Variants in TP53AIP1 observed in about 807,000 individuals in gnomAD.
The protein encoded by TP53AIP1 is p53-regulated apoptosis-inducing protein 1.
Under a neutral mutation model 9.5 loss-of-function variants are expected in TP53AIP1, and 14 were observed. The observed-to-expected ratio is 1.47, with a 90% CI of 0.97 to 2.30. The LOEUF (loss-of-function observed/expected upper bound fraction) is 2.30. Ranked by LOEUF, TP53AIP1 falls within the 30% of genes most tolerant of loss-of-function variation. The pLI is 0.00. For missense variants in TP53AIP1, 153 were observed against 146.7 expected (o/e 1.04, Z -0.22); for synonymous variants, 73 against 61.2 (o/e 1.19, Z -0.90).
chr11:128,936,138 T>A (rs1481736128), intron 3 of TP53AIP1: 1 of 1,014,662 alleles, frequency 9.9e-7, no homozygotes, highest in African/African-American at 1.7e-5. Flanking sequence ...TCCTAAGTGG[T>A]AGAGTCAGGA....
At position 128,939,499 on chromosome 11, in the gene TP53AIP1, G is replaced by A. The variant is rs1398657175; in HGVS notation, c.-76-1605C>T. 2.0e-5 allele frequency among the ~76,000 whole-genome samples: 3 copies of A among 152,216 alleles called. No homozygotes were observed. Among genetic ancestry groups the A allele is most frequent in the African/African-American group, 7.2e-5 (3 of 41,450 alleles). ...CTCCGTCTTCCAGCCACTGAAAACA[G>A]GATTCTCCAGAGTTCACACCTATGC... On this transcript the variant is annotated intron_variant, in intron 1 of 3. Transcript: ENST00000531399. This position sits in a 1 kb window ranked among gnomAD's most constrained non-coding sequence, Gnocchi z 4.1.
chr11:128,936,452 G>A (rs973257883), intron 3 of TP53AIP1, 86 bp downstream of exon 3: 47 of 1,445,342 alleles, frequency 3.3e-5, no homozygotes, highest in Admixed American at 1.4e-4. Flanking sequence ...ACCCTATGTC[G>A]TTACCTGGAT....
intron 3 of TP53AIP1, chr11:128,936,158 A>C: frequency 8.7e-6 from 9 of 1,038,604 alleles, no homozygotes; most frequent in Middle Eastern, 4.7e-4. Flanking sequence ...ATTTGAACCC[A>C]GACCCCGCAG....
chr11:128,936,231 C>T, intron 3 of TP53AIP1: 2 of 1,108,280 alleles, frequency 1.8e-6, no homozygotes, highest in Non-Finnish European at 2.2e-6. Context: ...CTGCTCATTC[C>T]AAATCTGTCC....
rs1415506855 is a variant in TP53AIP1, at chr11:128,937,940, C to A, written c.-76-46G>T. 1 of 1,071,294 alleles carries A rather than the reference C, an allele frequency of 9.3e-7. No individual in the cohort carries two copies. Among genetic ancestry groups the A allele is most frequent in the South Asian group, 1.7e-5 (1 of 59,438 alleles). The allele number at this position is 1,071,294 out of a possible 1,614,324, so 66.4% of individuals were successfully genotyped here. On this transcript the variant is annotated intron_variant, in intron 1 of 3. Transcript: ENST00000531399. The surrounding 1 kb of genome is among the most constrained non-coding windows in gnomAD (Gnocchi z 4.8). ...CTATGAACAGAAGCAGTGGTGGCAGCGCTGGGCCAGCAATGATGATTTCTA... is the reference window on the plus strand; with the variant it reads ...CTATGAACAGAAGCAGTGGTGGCAGAGCTGGGCCAGCAATGATGATTTCTA...
At chr11:128,934,949 T>A, downstream of TP53AIP1, 2 of 701,804 alleles carry the variant, frequency 2.8e-6, no homozygotes, top group Admixed American at 2.0e-5. Flanking sequence ...CACCAATGCT[T>A]TTCCCCCATT....
chr11:128,937,236 A>T lies in TP53AIP1; in HGVS notation c.141+442T>A. The T allele has an allele frequency of 3.2e-6, 4 of 1,255,590 alleles. No homozygotes were observed. The highest frequency in any genetic ancestry group is 4.0e-6 in the Non-Finnish European group (4 of 999,272). 77.8% of individuals were successfully genotyped at this position (1,255,590 alleles called of 1,614,324 possible). A position where few individuals can be genotyped will look rare whatever the true frequency, so the allele number is the denominator to read the frequency against. ...GTAAGTGACTGGTGCTCCGAGGCCC[A>T]TCTGGACAAAAGCAGGATCCGGGGT... On this transcript the variant is annotated intron_variant, in intron 2 of 3. Coordinates refer to ENST00000531399, the MANE Select transcript of TP53AIP1 (RefSeq NM_022112.3). The surrounding 1 kb of genome is among the most constrained non-coding windows in gnomAD (Gnocchi z 4.8).
At chr11:128,941,606 C>T (rs376972805) in intron 1 of TP53AIP1, among the ~76,000 whole-genome samples, 8 of 152,256 alleles carry the variant, frequency 5.3e-5, no homozygotes, top group Non-Finnish European at 7.3e-5. Flanking sequence ...GGCCTCTCCC[C>T]GGTTCCGACA....
chr11:128,940,721 C>G (rs992149635), intron 1 of TP53AIP1, among the ~76,000 whole-genome samples: 14 of 152,202 alleles, frequency 9.2e-5, no homozygotes, highest in African/African-American at 3.4e-4. Flanking sequence ...ACTGGGACAG[C>G]TGGAATGTCA....
At chr11:128,936,484 A>G (rs1473277932) in intron 3 of TP53AIP1, 54 bp downstream of exon 3, 2 of 1,497,658 alleles carry the variant, frequency 1.3e-6, no homozygotes, top group Non-Finnish European at 1.8e-6. Flanking sequence ...ACATCAAATC[A>G]CTTAATTCTA....
rs141657288 is a variant in TP53AIP1 at position 128,937,651 on chromosome 11, G to C, written c.141+27C>G. On this transcript the variant is annotated intron_variant, in intron 2 of 3. Transcript: ENST00000531399. This position sits in a 1 kb window ranked among gnomAD's most constrained non-coding sequence, Gnocchi z 4.8. ...CCGGGGCTGTGGCAGGCAAAAGACC[G>C]TCTCGGTTTTCACTGCAGGGACTTA... The C allele has an allele frequency of 4.0e-5, 64 of 1,614,042 alleles. No homozygotes were observed. The African/African-American group carries it at 7.3e-4, about 19-fold the overall frequency.
intron 1 of TP53AIP1, among the ~76,000 whole-genome samples, chr11:128,938,679 G>A (rs906255465): frequency 2.6e-4 from 39 of 152,148 alleles, no homozygotes; most frequent in African/African-American, 8.2e-4. Flanking sequence ...TGCCCACATC[G>A]CTTCCCCAGG....
intron 1 of TP53AIP1, among the ~76,000 whole-genome samples, chr11:128,940,775 G>T (rs1944924770): frequency 6.6e-6 from 1 of 152,196 alleles, no homozygotes; most frequent in Admixed American, 6.5e-5. Flanking sequence ...ATGCCACGGC[G>T]GCCACGCTGG....
rs2136021395 is a variant in TP53AIP1 at position 128,937,870 on chromosome 11, G to T, written c.-52C>A. 41 of 1,553,624 alleles carry T rather than the reference G, an allele frequency of 2.6e-5. No homozygotes were observed. The highest frequency in any genetic ancestry group is 3.6e-5 in the Non-Finnish European group (41 of 1,151,208). The stretch of plus-strand genomic sequence containing the variant: ...CAGAGAACTTGGCTTCTCCTCATTT[G>T]TTGTTAGGGCCAGTCCCTAAGGGAC... On this transcript the variant is annotated 5_prime_UTR_variant, in exon 2 of 4. Transcript: ENST00000531399. This position sits in a 1 kb window ranked among gnomAD's most constrained non-coding sequence, Gnocchi z 4.8.
At position 128,935,392 on chromosome 11, in the gene TP53AIP1, G is replaced by A. The variant is rs555051667; in HGVS notation, c.*199C>T. ...GAATTTTTTTCCAGCTTTTATTTCAGATTTGGGGATACAGAAGGATGCAAA... is the reference window on the plus strand; with the variant it reads ...GAATTTTTTTCCAGCTTTTATTTCAAATTTGGGGATACAGAAGGATGCAAA... On this transcript the variant is annotated 3_prime_UTR_variant, in exon 4 of 4. Transcript: ENST00000531399. 108 of 1,416,272 alleles carry A rather than the reference G, an allele frequency of 7.6e-5. No individual in the cohort carries two copies. The highest frequency in any genetic ancestry group is 1.8e-4 in the Admixed American group (6 of 33,310). The allele number at this position is 1,416,272 out of a possible 1,614,324, so 87.7% of individuals were successfully genotyped here.
Position 128,937,308 on chromosome 11 carries a change from C to T in TP53AIP1, c.141+370G>A, listed in dbSNP as rs577966916. On this transcript the variant is annotated intron_variant, in intron 2 of 3. Coordinates refer to ENST00000531399, the MANE Select transcript of TP53AIP1 (RefSeq NM_022112.3). The surrounding 1 kb of genome is among the most constrained non-coding windows in gnomAD (Gnocchi z 4.8). ...GAGCCCTGCACCCCAGCCTTCCCTC[C>T]CCATGCGCTCCACATGCGTCCTTTG... 2.9e-6 allele frequency: 4 copies of T among 1,376,528 alleles called. No homozygotes were observed. In the South Asian group the frequency reaches 7.5e-5, roughly 26 times the overall value. 85.3% of individuals were successfully genotyped at this position (1,376,528 alleles called of 1,614,324 possible).
chr11:128,940,276 G>A (rs1944915391), intron 1 of TP53AIP1, among the ~76,000 whole-genome samples: 1 of 152,148 alleles, frequency 6.6e-6, no homozygotes, highest in Non-Finnish European at 1.5e-5. Flanking sequence ...TTCCAGGGCA[G>A]GGCAGAGCAA....
rs1449070535 is a variant in TP53AIP1 at position 128,936,608 on chromosome 11, C to T, written c.183G>A (p.Gly61=). ...CTGACAGAGCTTCTATTCCCCGGCACCCTCCGTGAACTTGGGCACCCAAAA... is the reference window on the plus strand; with the variant it reads ...CTGACAGAGCTTCTATTCCCCGGCATCCTCCGTGAACTTGGGCACCCAAAA... ...PLVLGAQVHG[G]CRGIEALSVS... The change falls in exon 3 of 4, where the codon GGG becomes GGA. Residue 61 remains glycine, a synonymous_variant. Coordinates refer to ENST00000531399, the MANE Select transcript of TP53AIP1 (RefSeq NM_022112.3). 1.9e-6 allele frequency: 3 copies of T among 1,588,904 alleles called. No homozygotes were observed. The highest frequency in any genetic ancestry group is 1.3e-5 in the African/African-American group (1 of 74,820).
chr11:128,936,750 G>A (rs1418859320), intron 2 of TP53AIP1, 101 bp from the exon 3 acceptor site: 8 of 1,458,382 alleles, frequency 5.5e-6, no homozygotes, highest in African/African-American at 2.8e-5. Flanking sequence ...ATGGCATCCA[G>A]GGGCATTTCA....
Sources: allele counts gnomAD v4.1 joint callset (sites outside exome capture counted in the v4.1 genomes callset), GRCh38; gene constraint gnomAD v4.1.1; non-coding constraint Gnocchi (gnomAD v3.1); transcripts MANE v1.5; gene names NCBI Gene and HGNC (gene_info 2026-07-23, HGNC 2026-07-21).